The following ANTXR1 variants were observed in gnomAD, a reference collection of about 807,000 sequenced individuals.
The protein encoded by ANTXR1 is ANTXR cell adhesion molecule 1.
Under a neutral mutation model 78.1 loss-of-function variants are expected in ANTXR1, and 19 were observed. The observed-to-expected ratio is 0.24, with a 90% CI of 0.17 to 0.36. The LOEUF is 0.36. Among genes scored for constraint, ANTXR1 ranks in the 10% least tolerant of loss-of-function variants. The probability of loss-of-function intolerance (pLI) is 1.00; values close to 1 mark genes in which losing one functional copy is unlikely to be tolerated. For missense variants in ANTXR1, 518 were observed against 718.6 expected (o/e 0.72, Z 3.19); for synonymous variants, 273 against 260.5 (o/e 1.05, Z -0.46).
intron 12 of ANTXR1, among the ~76,000 whole-genome samples, chr2:69,143,700 G>A (rs1369759853): frequency 6.6e-6 from 1 of 152,098 alleles, no homozygotes; most frequent in Non-Finnish European, 1.5e-5. Context: ...TAATGCCACT[G>A]AATTGTACAT....
chr2:69,184,545 C>T (rs1199020345), intron 16 of ANTXR1, among the ~76,000 whole-genome samples: 1 of 152,226 alleles, frequency 6.6e-6, no homozygotes, highest in African/African-American at 2.4e-5. Context: ...ACTAACGCCA[C>T]ATCTTTGGTT....
chr2:69,123,095 T>G lies in ANTXR1; in HGVS notation c.872+9T>G, dbSNP rs1672406845. The G allele has an allele frequency of 6.2e-7, 1 of 1,614,072 alleles. No homozygotes were observed. On this transcript the variant is annotated intron_variant, in intron 11 of 17. Coordinates refer to ENST00000303714, the MANE Select transcript of ANTXR1 (RefSeq NM_032208.3). ...TTAAAAGAAGTTGGCATGTAAGTTT[T>G]CACCAGCAACTGAACCTCCCAGCCA...
chr2:69,084,100 C>G (rs1036907058), intron 8 of ANTXR1, among the ~76,000 whole-genome samples: 1 of 152,182 alleles, frequency 6.6e-6, no homozygotes, highest in African/African-American at 2.4e-5. Flanking sequence ...AGCCCCTCCT[C>G]CTATATTGAG....
intron 17 of ANTXR1, among the ~76,000 whole-genome samples, chr2:69,211,852 C>T (rs368344817): frequency 1.3e-5 from 2 of 152,320 alleles, no homozygotes; most frequent in African/African-American, 2.4e-5. Flanking sequence ...GCCCCCAAGA[C>T]GCTATTTCAG....
At chr2:69,155,797 G>A (rs1041162319) in intron 13 of ANTXR1, among the ~76,000 whole-genome samples, 3 of 152,166 alleles carry the variant, frequency 2.0e-5, no homozygotes, top group Admixed American at 2.0e-4. Context: ...GGTAGGGGGT[G>A]GCTTTATGTA....
chr2:69,032,612 T>C (rs1671561233), intron 1 of ANTXR1, among the ~76,000 whole-genome samples: 1 of 152,182 alleles, frequency 6.6e-6, no homozygotes, highest in African/African-American at 2.4e-5. Context: ...GCCGCAGCTG[T>C]GCATTTCAAT....
Position 69,013,659 on chromosome 2 carries a change from C to T in ANTXR1, c.152+8C>T. On this transcript the variant is annotated splice_region_variant and intron_variant, in intron 1 of 17. Coordinates refer to ENST00000303714, the MANE Select transcript of ANTXR1 (RefSeq NM_032208.3). This position sits in a 1 kb window ranked among gnomAD's most constrained non-coding sequence, Gnocchi z 5.0. ...GTACTTCATTTTGGACAAGTAAGTGCCGCGAGTTGTCCCCCCCACCCCAGG... is the reference window on the plus strand; with the variant it reads ...GTACTTCATTTTGGACAAGTAAGTGTCGCGAGTTGTCCCCCCCACCCCAGG... 1 of 1,551,660 alleles carries T rather than the reference C, an allele frequency of 6.4e-7. No homozygotes were observed. Among genetic ancestry groups the T allele is most frequent in the Non-Finnish European group, 8.7e-7 (1 of 1,146,952 alleles).
At chr2:69,068,174 A>G (rs1670459199) in intron 3 of ANTXR1, among the ~76,000 whole-genome samples, 1 of 152,206 alleles carries the variant, frequency 6.6e-6, no homozygotes. Context: ...TTGAAAGTCT[A>G]TTATGTTCCA....
intron 17 of ANTXR1, among the ~76,000 whole-genome samples, chr2:69,230,722 T>C (rs1675574070): frequency 6.6e-6 from 1 of 152,280 alleles, no homozygotes; most frequent in Admixed American, 6.5e-5. Context: ...AGTGTGTAAA[T>C]AGGCAAAAAC....
intron 8 of ANTXR1, among the ~76,000 whole-genome samples, chr2:69,080,940 A>G (rs764049457): frequency 6.6e-6 from 1 of 152,216 alleles, no homozygotes; most frequent in African/African-American, 2.4e-5. Flanking sequence ...TCCAAGGACA[A>G]TAGGAAACTA....
intron 13 of ANTXR1, among the ~76,000 whole-genome samples, chr2:69,159,696 A>AT (rs1219061682): frequency 2.6e-5 from 4 of 152,084 alleles, no homozygotes. Flanking sequence ...TGCATTCAGA[A>AT]TTTTTTCCTA....
At chr2:69,180,203 C>G (rs1674238512) in intron 14 of ANTXR1, among the ~76,000 whole-genome samples, 1 of 152,212 alleles carries the variant, frequency 6.6e-6, no homozygotes, top group Non-Finnish European at 1.5e-5. Context: ...TGCACCTTGC[C>G]TCCTGCATGG....
intron 17 of ANTXR1, 67 bp from the exon 18 acceptor site, chr2:69,245,158 C>G: frequency 6.3e-7 from 1 of 1,597,618 alleles, no homozygotes; most frequent in Non-Finnish European, 8.6e-7. Flanking sequence ...AAGCCGCCCA[C>G]CACAGCACCA....
intron 14 of ANTXR1, among the ~76,000 whole-genome samples, chr2:69,178,331 G>A (rs372455393): frequency 1.3e-5 from 2 of 152,216 alleles, no homozygotes; most frequent in Admixed American, 6.5e-5. Context: ...CAGCCCCTGG[G>A]CCTTTGTGCT....
chr2:69,166,076 A>G (rs1257888419), intron 13 of ANTXR1, among the ~76,000 whole-genome samples: 2 of 152,224 alleles, frequency 1.3e-5, no homozygotes, highest in Non-Finnish European at 2.9e-5. Flanking sequence ...TATTCGTACT[A>G]TGCTGACTGC....
intron 10 of ANTXR1, among the ~76,000 whole-genome samples, chr2:69,122,723 T>C (rs990309982): frequency 2.0e-5 from 3 of 152,154 alleles, no homozygotes; most frequent in Non-Finnish European, 4.4e-5. Flanking sequence ...TAGGTATATC[T>C]CCTAATGCTA....
intron 16 of ANTXR1, among the ~76,000 whole-genome samples, chr2:69,184,762 G>C (rs972864904): frequency 2.0e-5 from 3 of 152,198 alleles, no homozygotes; most frequent in Non-Finnish European, 4.4e-5. Context: ...AATTCAGTGA[G>C]TATTCATTGT....
At chr2:69,112,744 G>C (rs1361270503) in intron 10 of ANTXR1, among the ~76,000 whole-genome samples, 1 of 152,208 alleles carries the variant, frequency 6.6e-6, no homozygotes, top group East Asian at 1.9e-4. Flanking sequence ...AGCATTTTGT[G>C]TATCTGGTGG....
rs756513851 is a variant in ANTXR1 at position 69,013,521 on chromosome 2, G to A, written c.22G>A (p.Ala8Thr). 1.4e-5 allele frequency: 23 copies of A among 1,588,326 alleles called. No homozygotes were observed. Among genetic ancestry groups the A allele is most frequent in the Admixed American group, 9.1e-5 (5 of 54,696 alleles). The change falls in exon 1 of 18, where the codon GCC (alanine) becomes ACC (threonine). Residue 8 changes from alanine to threonine, a missense_variant. Coordinates refer to ENST00000303714, the MANE Select transcript of ANTXR1 (RefSeq NM_032208.3). The surrounding 1 kb of genome is among the most constrained non-coding windows in gnomAD (Gnocchi z 5.0). ...GGCCATGGCCACGGCGGAGCGGAGA[G>A]CCCTCGGCATCGGCTTCCAGTGGCT... MATAERR[A>T]LGIGFQWLSL... is the part of the protein sequence containing the mutation.
Sources: allele counts gnomAD v4.1 joint callset (sites outside exome capture counted in the v4.1 genomes callset), GRCh38; gene constraint gnomAD v4.1.1; non-coding constraint Gnocchi (gnomAD v3.1); transcripts MANE v1.5; gene names NCBI Gene and HGNC (gene_info 2026-07-23, HGNC 2026-07-21).